SAMTOR: variants seen among roughly 807,000 people sequenced by gnomAD.
SAMTOR encodes UPF0532 protein C7orf60.
the SAMTOR span, among the ~76,000 whole-genome samples, chr7:112,902,416 C>CAA: frequency 0.039 from 476 of 12,138 alleles, 48 homozygotes; most frequent in African/African-American, 0.065. Flanking sequence ...AACTCCGTCT[C>CAA]AAAAAAAAAA....
At chr7:112,822,289 G>C in the SAMTOR span, 1 of 1,613,166 alleles carries the variant, frequency 6.2e-7, no homozygotes, top group South Asian at 1.1e-5. Context: ...TTTTTCAGCT[G>C]CTTCAAAAAA....
chr7:112,903,573 G>A, the SAMTOR span, among the ~76,000 whole-genome samples: 31 of 152,052 alleles, frequency 2.0e-4, no homozygotes, highest in Non-Finnish European at 4.3e-4. Flanking sequence ...TTATGATTAC[G>A]TAGAAGAATG....
At chr7:112,853,698 T>TG in the SAMTOR span, among the ~76,000 whole-genome samples, 10 of 152,118 alleles carry the variant, frequency 6.6e-5, no homozygotes, top group South Asian at 4.1e-4. Flanking sequence ...CTAGAGTCAG[T>TG]GAAGGGCCAG....
the SAMTOR span, among the ~76,000 whole-genome samples, chr7:112,843,345 A>G: frequency 6.6e-6 from 1 of 152,028 alleles, no homozygotes; most frequent in Non-Finnish European, 1.5e-5. Context: ...ACATTAAATA[A>G]TGAGGATTCA....
the SAMTOR span, among the ~76,000 whole-genome samples, chr7:112,879,193 G>A: frequency 2.0e-5 from 3 of 149,306 alleles, no homozygotes; most frequent in Non-Finnish European, 3.0e-5. Flanking sequence ...GGTCTAGTGG[G>A]CAACTAGATA....
chr7:112,866,458 C>T, the SAMTOR span, among the ~76,000 whole-genome samples: 1 of 152,166 alleles, frequency 6.6e-6, no homozygotes, highest in East Asian at 1.9e-4. Flanking sequence ...ACTAAAGAAG[C>T]CACCTCTGCC....
the SAMTOR span, among the ~76,000 whole-genome samples, chr7:112,838,746 C>A: frequency 8.0e-5 from 12 of 149,388 alleles, no homozygotes; most frequent in Non-Finnish European, 1.6e-4. Flanking sequence ...ATTCTAAGGA[C>A]AAAAAAAAAG....
chr7:112,926,822 T>C, the SAMTOR span, among the ~76,000 whole-genome samples: 6 of 152,164 alleles, frequency 3.9e-5, no homozygotes, highest in Non-Finnish European at 8.8e-5. Flanking sequence ...ACGGGTTCCC[T>C]ATATCCTATG....
the SAMTOR span, chr7:112,821,795 G>A: frequency 6.2e-6 from 10 of 1,613,152 alleles, no homozygotes; most frequent in Non-Finnish European, 8.5e-6. Flanking sequence ...GAATAGAGCT[G>A]GCTTGACTTT....
the SAMTOR span, among the ~76,000 whole-genome samples, chr7:112,890,254 G>A: frequency 1.3e-5 from 2 of 152,096 alleles, no homozygotes; most frequent in Admixed American, 1.3e-4. Flanking sequence ...GAGGGTGGAA[G>A]CCTTACTGAC....
the SAMTOR span, among the ~76,000 whole-genome samples, chr7:112,904,758 A>G: frequency 6.6e-6 from 1 of 152,186 alleles, no homozygotes; most frequent in African/African-American, 2.4e-5. Flanking sequence ...AAAAAGTTTA[A>G]ACAAAACAAA....
At chr7:112,934,581 T>A in the SAMTOR span, among the ~76,000 whole-genome samples, 1 of 152,214 alleles carries the variant, frequency 6.6e-6, no homozygotes, top group Non-Finnish European at 1.5e-5. Flanking sequence ...AAGCTATTAT[T>A]AACTTTAGAT....
At chr7:112,840,832 C>A in the SAMTOR span, among the ~76,000 whole-genome samples, 3 of 151,956 alleles carry the variant, frequency 2.0e-5, no homozygotes, top group African/African-American at 7.2e-5. Flanking sequence ...TTAACAGAAC[C>A]ACATGATTAT....
chr7:112,901,104 C>T, the SAMTOR span, among the ~76,000 whole-genome samples: 2 of 152,168 alleles, frequency 1.3e-5, no homozygotes, highest in Non-Finnish European at 2.9e-5. Context: ...AAAAGAAAAG[C>T]CACAGACACT....
the SAMTOR span, among the ~76,000 whole-genome samples, chr7:112,861,826 C>G: frequency 6.6e-6 from 1 of 151,966 alleles, no homozygotes; most frequent in South Asian, 2.1e-4. Context: ...AACCTTTTCC[C>G]GAATAGTCTA....
At chr7:112,852,570 A>G in the SAMTOR span, among the ~76,000 whole-genome samples, 1 of 152,142 alleles carries the variant, frequency 6.6e-6, no homozygotes, top group African/African-American at 2.4e-5. Flanking sequence ...ACAAAAATGC[A>G]TTTGTACTCC....
At chr7:112,874,945 C>T in the SAMTOR span, among the ~76,000 whole-genome samples, 2 of 152,014 alleles carry the variant, frequency 1.3e-5, no homozygotes, top group South Asian at 4.1e-4. Flanking sequence ...CCTGATAAGC[C>T]CAGATCAACT....
chr7:112,919,653 T>C, the SAMTOR span, among the ~76,000 whole-genome samples: 306 of 152,036 alleles, frequency 2.0e-3, 2 homozygotes, highest in African/African-American at 7.0e-3. Context: ...AATTAATGAA[T>C]CCAGGAGCTG....
chr7:112,853,976 C>T, the SAMTOR span, among the ~76,000 whole-genome samples: 1 of 152,052 alleles, frequency 6.6e-6, no homozygotes, highest in Non-Finnish European at 1.5e-5. Context: ...AGTTTGTACA[C>T]AGCATTGTCA....
Sources: allele counts gnomAD v4.1 joint callset (sites outside exome capture counted in the v4.1 genomes callset), GRCh38; gene constraint gnomAD v4.1.1; transcripts MANE v1.5; gene names NCBI Gene and HGNC (gene_info 2026-07-23, HGNC 2026-07-21).